Variants in PCDH17 observed in about 807,000 individuals in gnomAD.
PCDH17 encodes protocadherin 17.
PCDH17 carries 21 observed loss-of-function variants against 67.7 expected under a neutral mutation model. That is an observed-to-expected ratio of 0.31 (90% CI 0.22 to 0.45). PCDH17 has a LOEUF of 0.45. Ranked by LOEUF, PCDH17 falls within the 20% of genes least tolerant of loss-of-function variation. PCDH17 has a pLI of 1.00. For missense variants in PCDH17, 1,471 were observed against 1,564.8 expected, an observed-to-expected ratio of 0.94 and a Z score of 1.01; for synonymous variants, 701 against 656.7, an observed-to-expected ratio of 1.07 and a Z score of -1.03.
chr13:57,651,921 C>T (rs1955045733), intron 1 of PCDH17, among the ~76,000 whole-genome samples: 2 of 152,198 alleles, frequency 1.3e-5, no homozygotes, highest in South Asian at 4.1e-4. Context: ...AACATATTCT[C>T]TATAAAAACA....
chr13:57,689,364 G>T (rs1955536183), intron 3 of PCDH17, among the ~76,000 whole-genome samples: 1 of 151,998 alleles, frequency 6.6e-6, no homozygotes, highest in Non-Finnish European at 1.5e-5. Flanking sequence ...CAGCATGGCT[G>T]AGGGAGAAGG....
rs1955934432 is a variant in PCDH17, at chr13:57,729,062, T to A, written c.*3768T>A. On this transcript the variant is annotated 3_prime_UTR_variant, in exon 4 of 4. Coordinates refer to ENST00000377918, the MANE Select transcript of PCDH17 (RefSeq NM_001040429.3). ...GTTTTGGCTATCAAGATGTGTTGAT[T>A]CTAAATATTATTGAATGAGACCTGA... 6.6e-6 allele frequency: 1 copy of A among 152,134 alleles called. No homozygotes were observed. The highest frequency in any genetic ancestry group is 6.5e-5 in the Admixed American group (1 of 15,270). The allele number at this position is 152,134 out of a possible 1,614,324, so 9.4% of individuals were successfully genotyped here. A position where few individuals can be genotyped will look rare whatever the true frequency, so the allele number is the denominator to read the frequency against.
At chr13:57,682,069 A>C (rs987984669) in intron 3 of PCDH17, among the ~76,000 whole-genome samples, 10 of 151,654 alleles carry the variant, frequency 6.6e-5, no homozygotes, top group African/African-American at 2.4e-5. Context: ...AAAACCCCAC[A>C]TACTTGGTTA....
At chr13:57,704,390 A>C (rs1955697157) in intron 3 of PCDH17, among the ~76,000 whole-genome samples, 1 of 152,058 alleles carries the variant, frequency 6.6e-6, no homozygotes, top group Admixed American at 6.6e-5. Context: ...GCAAAAGTCT[A>C]TCAAGCGTTT....
At chr13:57,681,755 C>T (rs1343279571) in intron 3 of PCDH17, among the ~76,000 whole-genome samples, 1 of 151,794 alleles carries the variant, frequency 6.6e-6, no homozygotes, top group Non-Finnish European at 1.5e-5. Flanking sequence ...AATATATGGT[C>T]TATCTCCCCA....
chr13:57,721,931 GACCCTTGA>G (rs1449173149), intron 3 of PCDH17, among the ~76,000 whole-genome samples: 1 of 151,844 alleles, frequency 6.6e-6, no homozygotes, highest in Non-Finnish European at 1.5e-5. Flanking sequence ...ATTCTAACTT[GACCCTTGA>G]CAGTTAGAGT....
At chr13:57,719,429 C>T (rs181315521) in intron 3 of PCDH17, among the ~76,000 whole-genome samples, 3 of 151,976 alleles carry the variant, frequency 2.0e-5, no homozygotes, top group African/African-American at 7.2e-5. Context: ...GTCTATGACA[C>T]AGACATTTAT....
chr13:57,716,068 G>T (rs925602047), intron 3 of PCDH17, among the ~76,000 whole-genome samples: 1 of 151,892 alleles, frequency 6.6e-6, no homozygotes, highest in Non-Finnish European at 1.5e-5. Flanking sequence ...GAATCATTCA[G>T]GTCTTGTTGT....
chr13:57,680,146 A>ATG (rs1477972078), intron 3 of PCDH17, among the ~76,000 whole-genome samples: 1 of 150,882 alleles, frequency 6.6e-6, no homozygotes, highest in Non-Finnish European at 1.5e-5. Context: ...CTACATATAT[A>ATG]TATATATAAA....
At chr13:57,697,089 C>T (rs966514189) in intron 3 of PCDH17, among the ~76,000 whole-genome samples, 26 of 151,520 alleles carry the variant, frequency 1.7e-4, no homozygotes, top group African/African-American at 5.8e-4. Flanking sequence ...TTTATGGAGG[C>T]AATCTTCTAT....
chr13:57,725,474 A>C lies in PCDH17; in HGVS notation c.*180A>C, dbSNP rs1316684862. On this transcript the variant is annotated 3_prime_UTR_variant, in exon 4 of 4. Transcript: ENST00000377918. ...TTTCCACTGCTGATTTCTTTTTCAG[A>C]GATAACAATGGTTTCGTTTTGACCA... is the stretch of plus-strand genomic sequence containing the variant. 15 of 554,292 alleles carry C rather than the reference A, an allele frequency of 2.7e-5. No homozygotes were observed. Among genetic ancestry groups the C allele is most frequent in the Non-Finnish European group, 4.7e-5 (15 of 319,552 alleles). 34.3% of individuals were successfully genotyped at this position (554,292 alleles called of 1,614,324 possible).
intron 1 of PCDH17, among the ~76,000 whole-genome samples, chr13:57,639,921 A>C (rs1335735628): frequency 6.6e-6 from 1 of 151,942 alleles, no homozygotes; most frequent in Non-Finnish European, 1.5e-5. Flanking sequence ...CAACATACTA[A>C]ACACACAAAA....
intron 3 of PCDH17, among the ~76,000 whole-genome samples, chr13:57,720,253 C>G (rs1955861654): frequency 6.6e-6 from 1 of 151,826 alleles, no homozygotes; most frequent in South Asian, 2.1e-4. Flanking sequence ...TATGAATATG[C>G]AGATTTCGGG....
chr13:57,658,354 T>C (rs1955135954), intron 1 of PCDH17, among the ~76,000 whole-genome samples: 1 of 152,268 alleles, frequency 6.6e-6, no homozygotes, highest in Admixed American at 6.5e-5. Context: ...AAAATTAACG[T>C]GAGGCAAGGG....
chr13:57,724,609 C>T lies in PCDH17; in HGVS notation c.2798-3C>T, dbSNP rs769257965. The T allele has an allele frequency of 3.1e-6, 5 of 1,597,380 alleles. No individual in the cohort carries two copies. The African/African-American group carries it at 5.4e-5, about 17-fold the overall frequency. On this transcript the variant is annotated splice_region_variant and splice_polypyrimidine_tract_variant and intron_variant, in intron 3 of 3. Coordinates refer to ENST00000377918, the MANE Select transcript of PCDH17 (RefSeq NM_001040429.3). The stretch of plus-strand genomic sequence containing the variant: ...ATTTGCTGTTTTCTCTTTTGTTTTG[C>T]AGAACCAGAAGAGTGTGTTAATTGC...
intron 3 of PCDH17, among the ~76,000 whole-genome samples, chr13:57,669,154 T>A (rs1955291468): frequency 6.6e-6 from 1 of 152,124 alleles, no homozygotes; most frequent in African/African-American, 2.4e-5. Flanking sequence ...TCCATGTCCC[T>A]ACATTTTTTA....
intron 3 of PCDH17, among the ~76,000 whole-genome samples, chr13:57,684,688 C>T (rs1258142458): frequency 2.6e-5 from 4 of 151,854 alleles, no homozygotes; most frequent in African/African-American, 9.7e-5. Flanking sequence ...TTTTTAAAGC[C>T]ATGGGGCAAG....
At chr13:57,643,699 CA>C (rs1421341441) in intron 1 of PCDH17, among the ~76,000 whole-genome samples, 1 of 151,634 alleles carries the variant, frequency 6.6e-6, no homozygotes, top group Non-Finnish European at 1.5e-5. Flanking sequence ...TTATCATTTT[CA>C]TTGTGGTAAT....
At chr13:57,663,628 T>C (rs1335720149) in intron 1 of PCDH17, among the ~76,000 whole-genome samples, 3 of 152,228 alleles carry the variant, frequency 2.0e-5, no homozygotes, top group African/African-American at 7.2e-5. Flanking sequence ...CAAATGGCTA[T>C]TACGTTATGG....
Sources: allele counts gnomAD v4.1 joint callset (sites outside exome capture counted in the v4.1 genomes callset), GRCh38; gene constraint gnomAD v4.1.1; transcripts MANE v1.5; gene names NCBI Gene and HGNC (gene_info 2026-07-23, HGNC 2026-07-21).